Variants in GOLPH3 observed in about 807,000 individuals in gnomAD.
The protein encoded by GOLPH3 is golgi phosphoprotein 3, also known as coat protein GPP34.
In GOLPH3, 14 loss-of-function variants were observed where a neutral mutation model predicts 28.5. The ratio of observed to expected loss-of-function variants is 0.49; its 90% CI spans 0.32 to 0.77. GOLPH3 has a LOEUF of 0.77. Ranked by LOEUF, GOLPH3 falls within the 30% of genes least tolerant of loss-of-function variation. The probability of loss-of-function intolerance (pLI) is 0.03; values close to 1 mark genes in which losing one functional copy is unlikely to be tolerated. For synonymous variants in GOLPH3, 158 were observed against 159.2 expected, an observed-to-expected ratio of 0.99 and a Z score of 0.06; for missense variants, 350 against 393.7, an observed-to-expected ratio of 0.89 and a Z score of 0.94.
At chr5:32,161,855 G>A (rs954298323) in intron 1 of GOLPH3, among the ~76,000 whole-genome samples, 2 of 150,490 alleles carry the variant, frequency 1.3e-5, no homozygotes, top group African/African-American at 5.0e-5. Context: ...GTGAGACCCC[G>A]CCTCTACTAA....
intron 1 of GOLPH3, among the ~76,000 whole-genome samples, chr5:32,171,029 CAG>C: frequency 6.6e-6 from 1 of 152,232 alleles, no homozygotes; most frequent in Non-Finnish European, 1.5e-5. Flanking sequence ...GCAAAATAAA[CAG>C]AACACATGGT....
intron 2 of GOLPH3, among the ~76,000 whole-genome samples, chr5:32,141,373 G>C (rs1746055831): frequency 6.6e-6 from 1 of 152,176 alleles, no homozygotes; most frequent in Non-Finnish European, 1.5e-5. Context: ...ATTTGAGATT[G>C]AGGTTGAAGT....
At chr5:32,167,226 C>T (rs896498934) in intron 1 of GOLPH3, among the ~76,000 whole-genome samples, 7 of 152,172 alleles carry the variant, frequency 4.6e-5, no homozygotes, top group Non-Finnish European at 1.0e-4. Context: ...GGCTGGAGTG[C>T]AGTGGCGCAA....
Position 32,174,116 on chromosome 5 carries a change from A to T in GOLPH3, c.-82T>A. On this transcript the variant is annotated 5_prime_UTR_variant, in exon 1 of 4. Transcript: ENST00000265070. ...CCTCCTCCTCCCCGCGCGGCCTCCGATCCGGGTTTCCGTGTTAAATCCGGA... is the reference window on the plus strand; with the variant it reads ...CCTCCTCCTCCCCGCGCGGCCTCCGTTCCGGGTTTCCGTGTTAAATCCGGA... 4 of 989,066 alleles carry T rather than the reference A, an allele frequency of 4.0e-6. No homozygotes were observed. The highest frequency in any genetic ancestry group is 2.6e-6 in the Non-Finnish European group (2 of 768,482). 61.3% of individuals were successfully genotyped at this position (989,066 alleles called of 1,614,324 possible).
chr5:32,136,001 CCT>C (rs923769089), intron 2 of GOLPH3, among the ~76,000 whole-genome samples: 1 of 152,086 alleles, frequency 6.6e-6, no homozygotes, highest in African/African-American at 2.4e-5. Context: ...ATGGCAAAAC[CCT>C]GTCTCTACTA....
chr5:32,153,468 G>A (rs1746355836), intron 1 of GOLPH3, among the ~76,000 whole-genome samples: 1 of 149,342 alleles, frequency 6.7e-6, no homozygotes, highest in Non-Finnish European at 1.5e-5. Context: ...ATACTACTTA[G>A]TGATAGAGCC....
intron 1 of GOLPH3, among the ~76,000 whole-genome samples, chr5:32,172,651 C>T (rs1407739843): frequency 6.6e-6 from 1 of 152,034 alleles, no homozygotes; most frequent in East Asian, 1.9e-4. Flanking sequence ...GTGGAGATCG[C>T]GCCACTGCAC....
chr5:32,163,571 T>C (rs1746641078), intron 1 of GOLPH3, among the ~76,000 whole-genome samples: 1 of 152,236 alleles, frequency 6.6e-6, no homozygotes, highest in Admixed American at 6.5e-5. Context: ...CAAGGATTGC[T>C]TGAACCCAGG....
At chr5:32,153,263 T>C (rs1276077494) in intron 1 of GOLPH3, among the ~76,000 whole-genome samples, 2 of 152,176 alleles carry the variant, frequency 1.3e-5, no homozygotes, top group East Asian at 1.9e-4. Flanking sequence ...GGAGCAATGA[T>C]ATGAATATAC....
chr5:32,151,303 G>T (rs910007245), intron 1 of GOLPH3, among the ~76,000 whole-genome samples: 1 of 151,898 alleles, frequency 6.6e-6, no homozygotes, highest in Non-Finnish European at 1.5e-5. Context: ...AAGGCAGGGG[G>T]ATCACCTAGG....
intron 1 of GOLPH3, among the ~76,000 whole-genome samples, chr5:32,150,845 C>T (rs1005826974): frequency 6.6e-6 from 1 of 152,034 alleles, no homozygotes; most frequent in Non-Finnish European, 1.5e-5. Flanking sequence ...AATCTGTACA[C>T]GATAAAAATG....
At chr5:32,158,943 T>G (rs1746514331) in intron 1 of GOLPH3, among the ~76,000 whole-genome samples, 1 of 152,230 alleles carries the variant, frequency 6.6e-6, no homozygotes, top group South Asian at 2.1e-4. Flanking sequence ...TCAGTGTACA[T>G]TCTTTCTAAT....
At position 32,125,902 on chromosome 5, in the gene GOLPH3, C is replaced by G. The variant is rs1358043751; in HGVS notation, c.*310G>C. ...AAGCTGAGGTCATCCAAAAGCTGTGCGTATGAGGAGGCTGGAGGTACTTTG... is the reference window on the plus strand; with the variant it reads ...AAGCTGAGGTCATCCAAAAGCTGTGGGTATGAGGAGGCTGGAGGTACTTTG... On this transcript the variant is annotated 3_prime_UTR_variant, in exon 4 of 4. Coordinates refer to ENST00000265070, the MANE Select transcript of GOLPH3 (RefSeq NM_022130.4). The G allele has an allele frequency of 1.8e-5, 5 of 272,404 alleles. No homozygotes were observed. Among genetic ancestry groups the G allele is most frequent in the Non-Finnish European group, 3.5e-5 (5 of 143,610 alleles). The allele number at this position is 272,404 out of a possible 1,614,324, so 16.9% of individuals were successfully genotyped here.
At chr5:32,131,379 G>GT (rs1390065806) in intron 3 of GOLPH3, among the ~76,000 whole-genome samples, 1 of 152,204 alleles carries the variant, frequency 6.6e-6, no homozygotes, top group African/African-American at 2.4e-5. Flanking sequence ...TGAGTTTAGC[G>GT]TAAGTAAGAC....
At chr5:32,151,500 T>C (rs1581548868) in intron 1 of GOLPH3, among the ~76,000 whole-genome samples, 2 of 152,222 alleles carry the variant, frequency 1.3e-5, no homozygotes, top group Middle Eastern at 6.8e-3. Flanking sequence ...CAAAGCAAGA[T>C]CCTGTCTCAA....
chr5:32,127,524 C>G (rs1036213786), intron 3 of GOLPH3, among the ~76,000 whole-genome samples: 1 of 152,204 alleles, frequency 6.6e-6, no homozygotes, highest in African/African-American at 2.4e-5. Flanking sequence ...CCATTACCCA[C>G]ATAGAGCTAT....
chr5:32,163,122 A>G (rs1259196682), intron 1 of GOLPH3, among the ~76,000 whole-genome samples: 1 of 152,156 alleles, frequency 6.6e-6, no homozygotes, highest in African/African-American at 2.4e-5. Context: ...CCAGGAGAAA[A>G]CTAAGGTTCT....
intron 1 of GOLPH3, among the ~76,000 whole-genome samples, chr5:32,153,753 T>C (rs1746360269): frequency 1.3e-5 from 2 of 152,246 alleles, no homozygotes; most frequent in African/African-American, 2.4e-5. Context: ...AGATTTTTTT[T>C]CCTCTAAAAT....
intron 1 of GOLPH3, among the ~76,000 whole-genome samples, chr5:32,152,428 C>G (rs889366407): frequency 2.2e-4 from 27 of 123,012 alleles, no homozygotes; most frequent in African/African-American, 6.7e-4. Flanking sequence ...CCTGCCCCCC[C>G]CAGCCTTTTT....
Sources: allele counts gnomAD v4.1 joint callset (sites outside exome capture counted in the v4.1 genomes callset), GRCh38; gene constraint gnomAD v4.1.1; transcripts MANE v1.5; gene names NCBI Gene and HGNC (gene_info 2026-07-23, HGNC 2026-07-21).